TM9SF3: variants seen among roughly 807,000 people sequenced by gnomAD.
TM9SF3 encodes the protein SM-11044-binding protein.
Under a neutral mutation model 78.6 loss-of-function variants are expected in TM9SF3, and 14 were observed. That is an observed-to-expected ratio of 0.18 (90% confidence interval 0.12 to 0.28). TM9SF3 has a LOEUF of 0.28. TM9SF3 is among the 10% of genes least tolerant of loss of function. TM9SF3 has a pLI of 1.00. For missense variants in TM9SF3, 496 were observed against 721.9 expected, an observed-to-expected ratio of 0.69 and a Z score of 3.59; for synonymous variants, 231 against 241.7, an observed-to-expected ratio of 0.96 and a Z score of 0.41.
intron 2 of TM9SF3, among the ~76,000 whole-genome samples, chr10:96,572,899 A>T (rs1169795437): frequency 2.0e-5 from 3 of 152,058 alleles, no homozygotes; most frequent in Non-Finnish European, 4.4e-5. Context: ...TGTGTATAAA[A>T]TCTTGAGAGG....
chr10:96,521,128 AAAC>A lies in TM9SF3; in HGVS notation c.*1132_*1134del. On this transcript the variant is annotated 3_prime_UTR_variant, in exon 15 of 15. Coordinates refer to ENST00000371142, the MANE Select transcript of TM9SF3 (RefSeq NM_020123.4). ...GGAGTCTCAGAAAATAAACAGAAGA[AAAC>A]AACCCCCCTCCCAAAAGAAGTATGA... 1 of 374,642 alleles carries A rather than the reference AAAC, an allele frequency of 2.7e-6. No individual in the cohort carries two copies. Among genetic ancestry groups the A allele is most frequent in the East Asian group, 3.7e-5 (1 of 26,882 alleles). The allele number at this position is 374,642 out of a possible 1,614,324, so 23.2% of individuals were successfully genotyped here. A position where few individuals can be genotyped will look rare whatever the true frequency, so the allele number is the denominator to read the frequency against.
chr10:96,584,917 A>G (rs909410125), intron 1 of TM9SF3, among the ~76,000 whole-genome samples: 3 of 152,234 alleles, frequency 2.0e-5, no homozygotes, highest in East Asian at 3.8e-4. Flanking sequence ...TCTAGCAACC[A>G]TCTCATATAT....
intron 2 of TM9SF3, among the ~76,000 whole-genome samples, chr10:96,574,745 A>G (rs2134159019): frequency 6.6e-6 from 1 of 152,376 alleles, no homozygotes; most frequent in South Asian, 2.1e-4. Context: ...ATGCAGCCAC[A>G]GAAAAGGATG....
At chr10:96,534,701 G>A (rs1235717602) in intron 9 of TM9SF3, among the ~76,000 whole-genome samples, 1 of 152,132 alleles carries the variant, frequency 6.6e-6, no homozygotes, top group Non-Finnish European at 1.5e-5. Flanking sequence ...AGAGCTTCTG[G>A]GATTCCACAA....
chr10:96,572,671 C>T (rs545726757), intron 2 of TM9SF3, among the ~76,000 whole-genome samples: 21 of 151,878 alleles, frequency 1.4e-4, no homozygotes, highest in African/African-American at 4.1e-4. Flanking sequence ...GGACCACAAG[C>T]GCCCACCACC....
chr10:96,572,694 T>G lies in TM9SF3; in HGVS notation c.298+3940A>C, dbSNP rs141219908. ...AGCGCCCACCACCGTGCCCGGCGAATTTTTTTTGTATTTTTAGTAGAGATG... is the reference window on the plus strand; with the variant it reads ...AGCGCCCACCACCGTGCCCGGCGAAGTTTTTTTGTATTTTTAGTAGAGATG... On this transcript the variant is annotated intron_variant, in intron 2 of 14. Coordinates refer to ENST00000371142, the MANE Select transcript of TM9SF3 (RefSeq NM_020123.4). Among the ~76,000 whole-genome samples the G allele has an allele frequency of 7.1e-3, 1,073 of 151,594 alleles. 16 individuals are homozygous for G. Among genetic ancestry groups the G allele is most frequent in the African/African-American group, 0.025 (1,015 of 41,342 alleles).
chr10:96,535,504 A>C (rs1847947531), intron 9 of TM9SF3, among the ~76,000 whole-genome samples: 2 of 152,238 alleles, frequency 1.3e-5, no homozygotes, highest in Non-Finnish European at 2.9e-5. Flanking sequence ...AAAAATACTT[A>C]ATTTGCAAAA....
intron 2 of TM9SF3, among the ~76,000 whole-genome samples, chr10:96,574,261 A>G (rs1003547621): frequency 6.6e-6 from 1 of 152,228 alleles, no homozygotes; most frequent in Admixed American, 6.5e-5. Context: ...AAAGTGGGCA[A>G]AGAATATGAA....
At position 96,576,616 on chromosome 10, in the gene TM9SF3, C is replaced by T. The variant is rs1848499725; in HGVS notation, c.298+18G>A. On this transcript the variant is annotated intron_variant, in intron 2 of 14. Coordinates refer to ENST00000371142, the MANE Select transcript of TM9SF3 (RefSeq NM_020123.4). ...TACAATCCAAATTGCATTGTAAGGA[C>T]TATTAAGGTTTACTTACCTTTAAAT... 1 of 1,563,496 alleles carries T rather than the reference C, an allele frequency of 6.4e-7. No homozygotes were observed. Among genetic ancestry groups the T allele is most frequent in the Admixed American group, 2.0e-5 (1 of 49,442 alleles).
intron 5 of TM9SF3, among the ~76,000 whole-genome samples, chr10:96,554,357 C>T (rs1046128220): frequency 2.6e-5 from 4 of 152,148 alleles, no homozygotes; most frequent in Admixed American, 2.0e-4. Context: ...CTCACTTCCT[C>T]CAAAACACAA....
chr10:96,569,014 C>T (rs1848409835), intron 2 of TM9SF3, among the ~76,000 whole-genome samples: 1 of 152,056 alleles, frequency 6.6e-6, no homozygotes, highest in South Asian at 2.1e-4. Flanking sequence ...ATGTCAAAAC[C>T]TCATCTTTAC....
intron 9 of TM9SF3, among the ~76,000 whole-genome samples, chr10:96,537,486 T>C (rs765602033): frequency 3.9e-5 from 6 of 152,184 alleles, no homozygotes; most frequent in African/African-American, 1.2e-4. Flanking sequence ...ACAGAACATA[T>C]CCCTGGCATT....
intron 11 of TM9SF3, 71 bp downstream of exon 11, chr10:96,530,469 T>C (rs1169662874): frequency 7.9e-7 from 1 of 1,259,846 alleles, no homozygotes; most frequent in South Asian, 1.4e-5. Context: ...TAACTTTACA[T>C]GTTCCCTAAC....
intron 1 of TM9SF3, among the ~76,000 whole-genome samples, chr10:96,580,738 T>C (rs1848557763): frequency 1.3e-5 from 2 of 152,002 alleles, no homozygotes; most frequent in East Asian, 1.9e-4. Context: ...TTTGTAATAA[T>C]AACATCAGTA....
chr10:96,562,522 C>T (rs898412505), intron 3 of TM9SF3, among the ~76,000 whole-genome samples: 2 of 152,136 alleles, frequency 1.3e-5, no homozygotes, highest in Non-Finnish European at 2.9e-5. Context: ...TATTAGTGGT[C>T]AAACCAAAAT....
chr10:96,566,754 T>G (rs1848375843), intron 2 of TM9SF3, among the ~76,000 whole-genome samples: 1 of 151,960 alleles, frequency 6.6e-6, no homozygotes, highest in Non-Finnish European at 1.5e-5. Context: ...GGTTAAAAAA[T>G]GAGATTGCTC....
At chr10:96,548,615 TG>T (rs1412022959) in intron 7 of TM9SF3, among the ~76,000 whole-genome samples, 1 of 151,670 alleles carries the variant, frequency 6.6e-6, no homozygotes, top group Admixed American at 6.6e-5. Context: ...CTGGCCAACA[TG>T]GCAAAACCCC....
chr10:96,553,586 A>G (rs1848200432), intron 5 of TM9SF3, among the ~76,000 whole-genome samples: 1 of 149,634 alleles, frequency 6.7e-6, no homozygotes. Flanking sequence ...TACTAAGACT[A>G]AACTATTATA....
chr10:96,520,595 A>C lies in TM9SF3; in HGVS notation c.*1668T>G. On this transcript the variant is annotated 3_prime_UTR_variant, in exon 15 of 15. Transcript: ENST00000371142. Reference sequence around the variant, plus strand: ...GTTTTAGGTGGTCATTTGCATAGCAAACTATTAAACTAGAAACTCAGTGGT... The same window carrying C: ...GTTTTAGGTGGTCATTTGCATAGCACACTATTAAACTAGAAACTCAGTGGT... 3.7e-6 allele frequency: 1 copy of C among 271,190 alleles called. No homozygotes were observed. Among genetic ancestry groups the C allele is most frequent in the South Asian group, 2.6e-4 (1 of 3,784 alleles). 16.8% of individuals were successfully genotyped at this position (271,190 alleles called of 1,614,324 possible). A position where few individuals can be genotyped will look rare whatever the true frequency, so the allele number is the denominator to read the frequency against.
Sources: gnomAD v4.1 joint callset for allele counts (sites outside exome capture counted in the v4.1 genomes callset) on GRCh38, gnomAD v4.1.1 for gene constraint, MANE v1.5 for transcripts, NCBI Gene and HGNC (gene_info 2026-07-23, HGNC 2026-07-21) for gene names.